The following KCND2 variants were observed in gnomAD, a reference collection of about 807,000 sequenced individuals.
KCND2 encodes the protein potassium voltage-gated channel subfamily D member 2, also known as A-type voltage-gated potassium channel KCND2.
Under a neutral mutation model 54.4 loss-of-function variants are expected in KCND2, and 16 were observed. The observed-to-expected ratio is 0.29, with a 90% CI of 0.20 to 0.45. The LOEUF (loss-of-function observed/expected upper bound fraction) is 0.45, where lower values mean the gene tolerates loss of function less well. Among genes scored for constraint, KCND2 ranks in the 20% least tolerant of loss-of-function variants. KCND2 has a pLI of 1.00. For synonymous variants in KCND2, 317 were observed against 310.7 expected, an observed-to-expected ratio of 1.02 and a Z score of -0.21; for missense variants, 486 against 824.2, an observed-to-expected ratio of 0.59 and a Z score of 5.02.
chr7:120,320,132 T>C (rs1799873140), intron 1 of KCND2, among the ~76,000 whole-genome samples: 1 of 152,050 alleles, frequency 6.6e-6, no homozygotes, highest in African/African-American at 2.4e-5. Context: ...TGAAAAAAAT[T>C]TGAATTGGGA....
chr7:120,737,075 C>CACAA lies in KCND2; in HGVS notation c.1278+4011_1278+4012insCAAA, dbSNP rs1339876894. On this transcript the variant is annotated intron_variant, in intron 2 of 5. Transcript: ENST00000331113. ...ACACACACACACACACACACACACA[C>CACAA]AAACAAAAAAAAAAAAAACAAAACA... Among the ~76,000 whole-genome samples, 105 of 112,952 alleles carry CACAA rather than the reference C, an allele frequency of 9.3e-4. 2 individuals carry two copies. The highest frequency in any genetic ancestry group is 2.3e-3 in the African/African-American group (64 of 27,392). The allele number at this position is 112,952 out of a possible 152,430, so 74.1% of individuals were successfully genotyped here.
intron 1 of KCND2, among the ~76,000 whole-genome samples, chr7:120,359,062 G>T (rs1284116272): frequency 6.6e-6 from 1 of 152,120 alleles, no homozygotes; most frequent in Non-Finnish European, 1.5e-5. Flanking sequence ...TTTATAGTGT[G>T]ACCCTTCCTA....
chr7:120,526,432 A>G (rs900244750), intron 1 of KCND2, among the ~76,000 whole-genome samples: 1 of 152,150 alleles, frequency 6.6e-6, no homozygotes, highest in Admixed American at 6.6e-5. Flanking sequence ...TATAAGCTTT[A>G]TCTTATAATG....
intron 1 of KCND2, among the ~76,000 whole-genome samples, chr7:120,438,830 T>A (rs1801907911): frequency 6.6e-6 from 1 of 152,182 alleles, no homozygotes; most frequent in Non-Finnish European, 1.5e-5. Flanking sequence ...TTGTTTCTTT[T>A]CATTTTCAAT....
At chr7:120,424,933 C>T (rs529313053) in intron 1 of KCND2, among the ~76,000 whole-genome samples, 317 of 152,196 alleles carry the variant, frequency 2.1e-3, no homozygotes, top group Non-Finnish European at 4.0e-3. Context: ...AGTTTATTTC[C>T]ACAGTTAATA....
intron 1 of KCND2, among the ~76,000 whole-genome samples, chr7:120,457,798 T>G (rs1802221346): frequency 6.6e-6 from 1 of 152,208 alleles, no homozygotes; most frequent in African/African-American, 2.4e-5. Context: ...TTTTCAGGTA[T>G]CTTTACAGCA....
At chr7:120,682,900 C>T (rs1378940697) in intron 1 of KCND2, among the ~76,000 whole-genome samples, 3 of 152,084 alleles carry the variant, frequency 2.0e-5, no homozygotes, top group Non-Finnish European at 2.9e-5. Flanking sequence ...TATTCCTACT[C>T]AGGGTGTTAA....
At chr7:120,349,842 A>G (rs1297431708) in intron 1 of KCND2, among the ~76,000 whole-genome samples, 1 of 152,030 alleles carries the variant, frequency 6.6e-6, no homozygotes, top group Non-Finnish European at 1.5e-5. Flanking sequence ...TAACCCTTTT[A>G]CTTTAGTCCA....
intron 1 of KCND2, among the ~76,000 whole-genome samples, chr7:120,641,284 G>A (rs886830814): frequency 1.3e-5 from 2 of 151,890 alleles, no homozygotes; most frequent in Admixed American, 6.6e-5. Context: ...TGAACTAGAG[G>A]AGAACACATG....
chr7:120,658,842 C>T (rs150260725), intron 1 of KCND2, among the ~76,000 whole-genome samples: 6 of 152,234 alleles, frequency 3.9e-5, no homozygotes, highest in African/African-American at 1.4e-4. Flanking sequence ...TTCCACACAC[C>T]CACATTAATT....
At chr7:120,387,611 G>A (rs896624727) in intron 1 of KCND2, among the ~76,000 whole-genome samples, 6 of 151,904 alleles carry the variant, frequency 3.9e-5, no homozygotes, top group East Asian at 1.9e-4. Flanking sequence ...TTATAAATTG[G>A]TTAGGAAAAT....
chr7:120,324,173 G>T, intron 1 of KCND2, among the ~76,000 whole-genome samples: 1 of 149,984 alleles, frequency 6.7e-6, no homozygotes, highest in African/African-American at 2.5e-5. Flanking sequence ...AAATTTGTTT[G>T]AGTTCATTGT....
Position 120,273,321 on chromosome 7 carries a change from G to C in KCND2, c.-1312G>C, listed in dbSNP as rs1187407506. ...CAGCTAGCAGCCCTCCCGCGCCCCC[G>C]CGCTGCCGAGCGCCTTCTGCCTCCG... On this transcript the variant is annotated 5_prime_UTR_variant, in exon 1 of 6. Coordinates refer to ENST00000331113, the MANE Select transcript of KCND2 (RefSeq NM_012281.3). Among the ~76,000 whole-genome samples, 1 of 150,314 alleles carries C rather than the reference G, an allele frequency of 6.7e-6. No individual in the cohort carries two copies. The highest frequency in any genetic ancestry group is 1.5e-5 in the Non-Finnish European group (1 of 67,262).
At chr7:120,493,561 A>G (rs77765633) in intron 1 of KCND2, among the ~76,000 whole-genome samples, 4,166 of 152,256 alleles carry the variant, frequency 0.027, 86 homozygotes, top group Non-Finnish European at 0.043. Context: ...GACAAAGGAC[A>G]TAAATAGGCA....
chr7:120,430,641 A>G (rs1486166367), intron 1 of KCND2, among the ~76,000 whole-genome samples: 1 of 152,214 alleles, frequency 6.6e-6, no homozygotes, highest in South Asian at 2.1e-4. Flanking sequence ...AGTATCAAAG[A>G]AGAATGCTTA....
chr7:120,389,322 T>C (rs2116047476), intron 1 of KCND2, among the ~76,000 whole-genome samples: 1 of 152,022 alleles, frequency 6.6e-6, no homozygotes, highest in Admixed American at 6.6e-5. Context: ...CTCAAGCAAG[T>C]TAACCTATCC....
chr7:120,421,107 A>G (rs1801614392), intron 1 of KCND2, among the ~76,000 whole-genome samples: 1 of 152,246 alleles, frequency 6.6e-6, no homozygotes, highest in South Asian at 2.1e-4. Context: ...TTATGAAATT[A>G]TCTTGCAATT....
chr7:120,298,305 T>A (rs1425558281), intron 1 of KCND2, among the ~76,000 whole-genome samples: 1 of 152,168 alleles, frequency 6.6e-6, no homozygotes, highest in Non-Finnish European at 1.5e-5. Flanking sequence ...GGGGAACTCA[T>A]TTAGCTGGAA....
intron 1 of KCND2, among the ~76,000 whole-genome samples, chr7:120,341,392 A>G (rs538936571): frequency 4.4e-4 from 67 of 152,292 alleles, no homozygotes; most frequent in African/African-American, 1.6e-3. Flanking sequence ...GCACAGGTGC[A>G]GGTGTTGAAG....
Sources: gnomAD v4.1 joint callset for allele counts (sites outside exome capture counted in the v4.1 genomes callset) on GRCh38, gnomAD v4.1.1 for gene constraint, MANE v1.5 for transcripts, NCBI Gene and HGNC (gene_info 2026-07-23, HGNC 2026-07-21) for gene names.